The following FHIT variants were observed in gnomAD, a reference collection of about 807,000 sequenced individuals.
FHIT encodes bis(5'-adenosyl)-triphosphatase.
A neutral mutation model predicts 17.9 loss-of-function variants in FHIT; 19 were observed. The ratio of observed to expected loss-of-function variants is 1.06; its 90% CI spans 0.74 to 1.56. FHIT has a LOEUF of 1.56. Ranked by LOEUF, FHIT falls within the 40% of genes most tolerant of loss-of-function variation. FHIT has a pLI of 0.00. For synonymous variants in FHIT, 81 were observed against 69.7 expected (o/e 1.16, Z -0.81); for missense variants, 248 against 189.2 (o/e 1.31, Z -1.82).
rs542893400 is a variant in FHIT at position 61,154,277 on chromosome 3, A to G, written c.-164+46340T>C. ...CATTTACACTAAATGAACCGAACAT[A>G]TTACTGGAGTAACAATTGACATTAA... On this transcript the variant is annotated intron_variant, in intron 2 of 9. Transcript: ENST00000492590. Among the ~76,000 whole-genome samples, 128 of 152,282 alleles carry G rather than the reference A, an allele frequency of 8.4e-4. 3 individuals are homozygous for G. In the South Asian group the frequency reaches 0.024, roughly 29 times the overall value.
At chr3:59,809,802 G>A (rs1471830602) in intron 8 of FHIT, among the ~76,000 whole-genome samples, 7 of 152,098 alleles carry the variant, frequency 4.6e-5, no homozygotes, top group East Asian at 3.9e-4. Context: ...TCCCTTCCCC[G>A]AAGCTGCCAA....
chr3:60,672,904 T>TGTGTGTGTGTGTGC (rs1159104600), intron 4 of FHIT, among the ~76,000 whole-genome samples: 7 of 151,350 alleles, frequency 4.6e-5, no homozygotes, highest in Admixed American at 1.3e-4. Flanking sequence ...TGTGTGTGTG[T>TGTGTGTGTGTGTGC]GTGCATGCAT....
intron 5 of FHIT, among the ~76,000 whole-genome samples, chr3:60,519,730 C>T (rs559317285): frequency 6.6e-6 from 1 of 152,168 alleles, no homozygotes; most frequent in East Asian, 1.9e-4. Context: ...GGAATTTAAC[C>T]TTTTCTTGTA....
At chr3:59,976,814 C>A (rs1410968603) in intron 7 of FHIT, among the ~76,000 whole-genome samples, 1 of 152,118 alleles carries the variant, frequency 6.6e-6, no homozygotes, top group Non-Finnish European at 1.5e-5. Flanking sequence ...CCTCCTTCAT[C>A]GTGCTCATAA....
chr3:60,569,750 TA>T (rs2037299981), intron 4 of FHIT, among the ~76,000 whole-genome samples: 18 of 46,424 alleles, frequency 3.9e-4, no homozygotes, highest in African/African-American at 5.9e-4. Flanking sequence ...TATATATATA[TA>T]TATATTTTTT....
At chr3:60,925,707 A>G (rs1342272508) in intron 3 of FHIT, among the ~76,000 whole-genome samples, 25 of 152,270 alleles carry the variant, frequency 1.6e-4, no homozygotes, top group African/African-American at 5.8e-4. Context: ...TTCACACATA[A>G]CAATATTAAC....
rs371896136 is a variant in FHIT, at chr3:60,959,400, T to C, written c.-111+82647A>G. Among the ~76,000 whole-genome samples the C allele has an allele frequency of 8.5e-5, 13 of 152,310 alleles. No homozygotes were observed. The South Asian group carries it at 2.1e-3, about 24-fold the overall frequency. ...TGCAATCATCTTATCTCCATTCTATTAACAAATTTACATACATTCTTTTGT... is the reference window on the plus strand; with the variant it reads ...TGCAATCATCTTATCTCCATTCTATCAACAAATTTACATACATTCTTTTGT... On this transcript the variant is annotated intron_variant, in intron 3 of 9. Transcript: ENST00000492590.
At chr3:59,925,840 G>A (rs12489018) in intron 7 of FHIT, among the ~76,000 whole-genome samples, 78,188 of 152,030 alleles carry the variant, frequency 0.51, 20,514 homozygotes, top group Non-Finnish European at 0.56. Context: ...AATCACGATA[G>A]AGCCAGCTCA....
intron 2 of FHIT, among the ~76,000 whole-genome samples, chr3:61,064,992 G>T (rs905900306): frequency 3.3e-5 from 5 of 152,102 alleles, no homozygotes; most frequent in Admixed American, 6.5e-5. Flanking sequence ...CATAAATTAT[G>T]ATTTCTGCAT....
intron 3 of FHIT, among the ~76,000 whole-genome samples, chr3:60,895,651 C>CTTCT (rs1491254526): frequency 5.1e-5 from 7 of 135,978 alleles, no homozygotes; most frequent in African/African-American, 2.2e-4. Flanking sequence ...CTTCCTTTCC[C>CTTCT]TCCTTCCTTC....
chr3:60,364,065 C>G (rs1301632597), intron 5 of FHIT, among the ~76,000 whole-genome samples: 2 of 152,182 alleles, frequency 1.3e-5, no homozygotes, highest in African/African-American at 4.8e-5. Context: ...CTGCACCCAG[C>G]CCACAACTTT....
At chr3:60,179,220 C>T (rs934677135) in intron 5 of FHIT, among the ~76,000 whole-genome samples, 9 of 152,172 alleles carry the variant, frequency 5.9e-5, no homozygotes, top group African/African-American at 2.2e-4. Context: ...TCATTATTCT[C>T]TTTTATGCAG....
intron 2 of FHIT, among the ~76,000 whole-genome samples, chr3:61,062,818 C>T (rs538904554): frequency 6.6e-6 from 1 of 152,272 alleles, no homozygotes; most frequent in South Asian, 2.1e-4. Context: ...TACTGCTCCT[C>T]AAGCATGTGG....
intron 8 of FHIT, among the ~76,000 whole-genome samples, chr3:59,915,324 T>C (rs550022842): frequency 3.9e-5 from 6 of 152,338 alleles, no homozygotes; most frequent in Non-Finnish European, 5.9e-5. Flanking sequence ...ATGGATGCTA[T>C]GGATAGAGTG....
intron 8 of FHIT, among the ~76,000 whole-genome samples, chr3:59,826,756 C>T (rs1308577010): frequency 1.3e-5 from 2 of 152,260 alleles, no homozygotes; most frequent in South Asian, 2.1e-4. Flanking sequence ...GTGACCTTAT[C>T]ATCAATGTAA....
intron 4 of FHIT, among the ~76,000 whole-genome samples, chr3:60,615,553 G>T (rs531020020): frequency 2.0e-5 from 3 of 152,276 alleles, no homozygotes; most frequent in Non-Finnish European, 4.4e-5. Flanking sequence ...CAAAGTGATG[G>T]TCCAATTCAC....
intron 7 of FHIT, among the ~76,000 whole-genome samples, chr3:59,924,986 T>C (rs754075969): frequency 4.6e-5 from 7 of 152,220 alleles, no homozygotes; most frequent in Non-Finnish European, 7.3e-5. Context: ...TACTGCATTA[T>C]GTGTAGACTC....
intron 5 of FHIT, among the ~76,000 whole-genome samples, chr3:60,110,045 G>A (rs921691431): frequency 1.3e-5 from 2 of 152,120 alleles, no homozygotes; most frequent in Admixed American, 1.3e-4. Context: ...CACTCAGTTA[G>A]GCCTAAATTA....
intron 3 of FHIT, among the ~76,000 whole-genome samples, chr3:60,893,426 G>T (rs1705619390): frequency 6.6e-6 from 1 of 152,214 alleles, no homozygotes; most frequent in South Asian, 2.1e-4. Flanking sequence ...CCCTAGCCAA[G>T]AAACTAAAAT....
Sources: allele counts gnomAD v4.1 joint callset (sites outside exome capture counted in the v4.1 genomes callset), GRCh38; gene constraint gnomAD v4.1.1; transcripts MANE v1.5; gene names NCBI Gene and HGNC (gene_info 2026-07-23, HGNC 2026-07-21).